Variants in RYR2 observed in about 807,000 individuals in gnomAD.
The protein encoded by RYR2 is cardiac muscle ryanodine receptor-calcium release channel.
RYR2 carries 227 observed loss-of-function variants against 601.1 expected under a neutral mutation model. That is an observed-to-expected ratio of 0.38 (90% CI 0.34 to 0.42). The LOEUF (loss-of-function observed/expected upper bound fraction) is 0.42, where lower values mean the gene tolerates loss of function less well. RYR2 is among the 10% of genes least tolerant of loss of function. The pLI, the probability that RYR2 is intolerant of heterozygous loss-of-function variation, is 1.00. For synonymous variants in RYR2, 2,223 were observed against 2,175.1 expected (o/e 1.02, Z -0.61); for missense variants, 4,646 against 6,156.5 (o/e 0.75, Z 8.21).
At chr1:237,495,354 G>A (rs899872360) in intron 19 of RYR2, among the ~76,000 whole-genome samples, 2 of 152,112 alleles carry the variant, frequency 1.3e-5, no homozygotes, top group Non-Finnish European at 2.9e-5. Flanking sequence ...CAACCACACT[G>A]TGCTGGAAAA....
chr1:237,459,951 T>C (rs977814256), intron 16 of RYR2, among the ~76,000 whole-genome samples: 1 of 152,134 alleles, frequency 6.6e-6, no homozygotes, highest in Non-Finnish European at 1.5e-5. Context: ...ATGTGTTCAG[T>C]TGGAAATAAC....
intron 34 of RYR2, among the ~76,000 whole-genome samples, chr1:237,597,401 C>G (rs1171409693): frequency 6.6e-6 from 1 of 151,610 alleles, no homozygotes; most frequent in Non-Finnish European, 1.5e-5. Context: ...CATGCCTCAG[C>G]CTCCTGAGTA....
intron 10 of RYR2, among the ~76,000 whole-genome samples, chr1:237,392,238 G>A (rs1343319331): frequency 6.6e-6 from 1 of 151,924 alleles, no homozygotes; most frequent in Non-Finnish European, 1.5e-5. Context: ...TTTAATTATT[G>A]CTTTAAAAAT....
intron 2 of RYR2, among the ~76,000 whole-genome samples, chr1:237,305,339 A>G (rs1253537222): frequency 6.6e-6 from 1 of 152,220 alleles, no homozygotes; most frequent in African/African-American, 2.4e-5. Context: ...ATTAATCTCA[A>G]AAATATAATA....
intron 1 of RYR2, among the ~76,000 whole-genome samples, chr1:237,213,925 T>TC (rs1006589346): frequency 7.1e-6 from 1 of 140,566 alleles, no homozygotes; most frequent in African/African-American, 2.6e-5. Flanking sequence ...CTTTTTTTTT[T>TC]TTTTTTTTTT....
At chr1:237,795,490 C>T (rs533470810) in intron 96 of RYR2, among the ~76,000 whole-genome samples, 159 bp downstream of exon 96, 3 of 151,208 alleles carry the variant, frequency 2.0e-5, no homozygotes, top group African/African-American at 7.3e-5. Flanking sequence ...CTCACTCCGT[C>T]ACCCAGGCTG....
chr1:237,532,828 G>A (rs1248325524), intron 25 of RYR2, among the ~76,000 whole-genome samples: 2 of 152,050 alleles, frequency 1.3e-5, no homozygotes, highest in Admixed American at 6.6e-5. Context: ...AATTGATAAA[G>A]GCAGTTTTCA....
intron 34 of RYR2, among the ~76,000 whole-genome samples, chr1:237,597,750 C>T (rs1051001692): frequency 1.3e-5 from 2 of 151,898 alleles, no homozygotes; most frequent in African/African-American, 4.8e-5. Flanking sequence ...TATCAAACCA[C>T]AAAGGTAAGC....
At chr1:237,727,226 A>G in intron 76 of RYR2, 27 bp downstream of exon 76, 1 of 1,123,736 alleles carries the variant, frequency 8.9e-7, no homozygotes, top group Non-Finnish European at 1.3e-6. Context: ...TTTTTGTAAT[A>G]GATCAATGTT....
chr1:237,747,466 G>T (rs1307538200), intron 80 of RYR2, among the ~76,000 whole-genome samples: 1 of 152,122 alleles, frequency 6.6e-6, no homozygotes, highest in East Asian at 1.9e-4. Context: ...CCAATACCCA[G>T]CTCGTATCCC....
intron 2 of RYR2, among the ~76,000 whole-genome samples, chr1:237,330,165 C>T (rs1360992460): frequency 6.6e-6 from 1 of 152,028 alleles, no homozygotes; most frequent in African/African-American, 2.4e-5. Context: ...GATTTTAATC[C>T]TTAGCGTGAA....
intron 1 of RYR2, among the ~76,000 whole-genome samples, chr1:237,258,784 C>G (rs1421207): frequency 0.87 from 132,780 of 152,152 alleles, 58,036 homozygotes; most frequent in South Asian, 0.94. Context: ...AATGCTAAGG[C>G]GTTAATTTAG....
intron 29 of RYR2, among the ~76,000 whole-genome samples, chr1:237,578,317 G>A (rs1673494475): frequency 6.6e-6 from 1 of 152,172 alleles, no homozygotes; most frequent in African/African-American, 2.4e-5. Flanking sequence ...AAATGGCTCA[G>A]GTACAGGTCA....
intron 1 of RYR2, among the ~76,000 whole-genome samples, chr1:237,051,087 G>A (rs924584217): frequency 1.3e-5 from 2 of 152,112 alleles, no homozygotes; most frequent in African/African-American, 4.8e-5. Context: ...TGAATTGTCT[G>A]TTGATCTCTG....
intron 10 of RYR2, among the ~76,000 whole-genome samples, chr1:237,390,630 T>C (rs1325779428): frequency 6.6e-6 from 1 of 152,134 alleles, no homozygotes; most frequent in African/African-American, 2.4e-5. Context: ...GCATAGACTT[T>C]GTAGGAAGAG....
chr1:237,669,528 C>CA (rs1684674930), intron 58 of RYR2, among the ~76,000 whole-genome samples: 2 of 151,092 alleles, frequency 1.3e-5, no homozygotes, highest in Admixed American at 6.6e-5. Flanking sequence ...ACCTCCCTCC[C>CA]GCACGGGGCG....
At chr1:237,061,291 C>CCA (rs1558164200) in intron 1 of RYR2, among the ~76,000 whole-genome samples, 6 of 111,760 alleles carry the variant, frequency 5.4e-5, no homozygotes, top group Admixed American at 9.7e-5. Context: ...ATCTATCTAT[C>CCA]TATCTATCTA....
chr1:237,205,791 GCC>G (rs1681744937), intron 1 of RYR2, among the ~76,000 whole-genome samples: 2 of 152,212 alleles, frequency 1.3e-5, no homozygotes, highest in South Asian at 4.1e-4. Flanking sequence ...TGCAGCTGAG[GCC>G]CCCACTCTTC....
At chr1:237,122,408 A>G (rs1384825611) in intron 1 of RYR2, among the ~76,000 whole-genome samples, 2 of 152,248 alleles carry the variant, frequency 1.3e-5, no homozygotes, top group African/African-American at 2.4e-5. Flanking sequence ...CTGGCCAGCC[A>G]TGGTGGCTCA....
Sources: allele counts gnomAD v4.1 joint callset (sites outside exome capture counted in the v4.1 genomes callset), GRCh38; gene constraint gnomAD v4.1.1; transcripts MANE v1.5; gene names NCBI Gene and HGNC (gene_info 2026-07-23, HGNC 2026-07-21).